ZFAND4: variants seen among roughly 807,000 people sequenced by gnomAD.
The protein encoded by ZFAND4 is AN1-type zinc finger protein 4.
In ZFAND4, 43 loss-of-function variants were observed where a neutral mutation model predicts 64.4. The observed-to-expected ratio is 0.67, with a 90% confidence interval of 0.52 to 0.86. The LOEUF is 0.86. Among genes scored for constraint, ZFAND4 ranks in the 40% least tolerant of loss-of-function variants. The probability of loss-of-function intolerance (pLI) is 0.00; values close to 1 mark genes in which losing one functional copy is unlikely to be tolerated. For missense variants in ZFAND4, 929 were observed against 859.8 expected, an observed-to-expected ratio of 1.08 and a Z score of -1.01; for synonymous variants, 296 against 305.7, an observed-to-expected ratio of 0.97 and a Z score of 0.33.
chr10:45,637,264 C>T lies in ZFAND4; in HGVS notation c.717+2552G>A, dbSNP rs2046666662. Reference sequence around the variant, plus strand: ...GCTGAGGCACGAGAATCACTTGAACCAAGGAGGTGGAGGTTGCAGTGGGCC... The same window carrying T: ...GCTGAGGCACGAGAATCACTTGAACTAAGGAGGTGGAGGTTGCAGTGGGCC... On this transcript the variant is annotated intron_variant, in intron 6 of 9. Transcript: ENST00000344646. Among the ~76,000 whole-genome samples the T allele has an allele frequency of 2.0e-5, 3 of 146,400 alleles. No individual in the cohort carries two copies. In the East Asian group the frequency reaches 6.1e-4, roughly 30 times the overall value.
intron 1 of ZFAND4, among the ~76,000 whole-genome samples, chr10:45,668,817 G>A (rs1205195855): frequency 1.3e-5 from 2 of 152,196 alleles, no homozygotes; most frequent in Admixed American, 1.3e-4. Flanking sequence ...ATAACGAAAT[G>A]AAGGCAGAAA....
Position 45,653,052 on chromosome 10 carries a change from G to A in ZFAND4, c.192C>T (p.Pro64=). The A allele has an allele frequency of 6.2e-7, 1 of 1,608,444 alleles. No homozygotes were observed. The highest frequency in any genetic ancestry group is 1.3e-5 in the African/African-American group (1 of 74,804). Residue 64 remains proline (P), a synonymous_variant, in exon 3 of 10, where the codon CCC becomes CCT. Transcript: ENST00000344646. ...KAKIRRLEGI[P]ICRQHLIWNN... The stretch of plus-strand genomic sequence containing the variant: ...TCCAAATTAAGTGTTGTCGACAGAT[G>A]GGAATACCTTAAGGGAAAGTTATTA...
chr10:45,626,108 G>A lies in ZFAND4; in HGVS notation c.1715C>T (p.Ser572Leu). 6.2e-7 allele frequency: 1 copy of A among 1,614,154 alleles called. No individual in the cohort carries two copies. Among genetic ancestry groups the A allele is most frequent in the Non-Finnish European group, 8.5e-7 (1 of 1,180,044 alleles). Reference protein sequence around the residue: ...GCVNNISFLASLAGSTSRNRL... With the variant: ...GCVNNISFLALLAGSTSRNRL... Reference sequence around the variant, plus strand: ...ATTTCTGCTTGTGCTCCCGGCCAGTGAGGCAAGAAAACTGATATTATTTAC... The same window carrying A: ...ATTTCTGCTTGTGCTCCCGGCCAGTAAGGCAAGAAAACTGATATTATTTAC... Residue 572 changes from serine (S) to leucine (L), a missense_variant, in exon 7 of 10, where the codon TCA becomes TTA. Physicochemically the swap from Ser to Leu is moderately radical, Grantham distance 145. Coordinates refer to ENST00000344646, the MANE Select transcript of ZFAND4 (RefSeq NM_174890.4).
At chr10:45,644,608 G>C (rs536986111) in intron 5 of ZFAND4, among the ~76,000 whole-genome samples, 12 of 152,300 alleles carry the variant, frequency 7.9e-5, no homozygotes, top group Admixed American at 2.6e-4. Flanking sequence ...AGTATGTCCT[G>C]AGAAAATAAA....
At chr10:45,651,450 T>C (rs879604494) in intron 4 of ZFAND4, 14 of 409,840 alleles carry the variant, frequency 3.4e-5, no homozygotes, top group Non-Finnish European at 6.6e-5. Flanking sequence ...GACCATTCAG[T>C]AGACGCTCAA....
chr10:45,653,583 A>T (rs1363069942), intron 2 of ZFAND4, among the ~76,000 whole-genome samples: 13 of 152,294 alleles, frequency 8.5e-5, no homozygotes, highest in Non-Finnish European at 1.0e-4. Context: ...CAACATTACT[A>T]ATCATTAGAC....
chr10:45,618,024 T>C (rs916245552), intron 9 of ZFAND4, 116 bp downstream of exon 9: 4 of 1,096,718 alleles, frequency 3.6e-6, no homozygotes, highest in Middle Eastern at 4.2e-4. Context: ...AAGATAGCTA[T>C]TGAACATCAT....
intron 1 of ZFAND4, among the ~76,000 whole-genome samples, chr10:45,665,087 A>T (rs1198201993): frequency 6.6e-6 from 1 of 152,230 alleles, no homozygotes; most frequent in African/African-American, 2.4e-5. Flanking sequence ...CAACAAATAG[A>T]AGTAGTAAAC....
chr10:45,645,221 C>T (rs1288304346), intron 5 of ZFAND4, among the ~76,000 whole-genome samples: 1 of 152,082 alleles, frequency 6.6e-6, no homozygotes, highest in Admixed American at 6.5e-5. Flanking sequence ...GATTCGCCCA[C>T]CTTCCAAAAG....
At chr10:45,652,948 G>A in intron 3 of ZFAND4, 36 bp downstream of exon 3, 3 of 1,505,182 alleles carry the variant, frequency 2.0e-6, no homozygotes, top group Non-Finnish European at 2.8e-6. Context: ...ATAATACTAA[G>A]TGCCTACAAA....
intron 4 of ZFAND4, chr10:45,648,842 C>G (rs1157605120): frequency 1.4e-6 from 1 of 705,284 alleles, no homozygotes. Context: ...TCACTAGAGT[C>G]TGTGTATTTG....
chr10:45,626,419 C>A lies in ZFAND4; in HGVS notation c.1404G>T (p.Lys468Asn), dbSNP rs2045829477. The change falls in exon 7 of 10, where the codon AAG becomes AAT. Residue 468 changes from lysine (K) to asparagine (N), a missense_variant. Physicochemically the swap from Lys to Asn is moderately conservative, Grantham distance 94. Coordinates refer to ENST00000344646, the MANE Select transcript of ZFAND4 (RefSeq NM_174890.4). The stretch of plus-strand genomic sequence containing the variant: ...AGCGAAGAGGTGACAAGAGTCTATT[C>A]TTGTGAGGACTTAATTCCCGGTAGT... ...VLNYRELSPHKNRLLSPLRCS... is the reference protein window; with the variant it reads ...VLNYRELSPHNNRLLSPLRCS... 1 of 1,613,828 alleles carries A rather than the reference C, an allele frequency of 6.2e-7. No homozygotes were observed. The highest frequency in any genetic ancestry group is 1.3e-5 in the African/African-American group (1 of 74,904).
chr10:45,650,065 T>C (rs1194741545), intron 4 of ZFAND4: 1 of 152,232 alleles, frequency 6.6e-6, no homozygotes, highest in East Asian at 1.9e-4. Context: ...TTAATCTTTC[T>C]ATGCTGCTTT....
chr10:45,648,758 T>C (rs1351601603), intron 4 of ZFAND4, among the ~76,000 whole-genome samples: 5 of 152,216 alleles, frequency 3.3e-5, no homozygotes, highest in Non-Finnish European at 5.9e-5. Flanking sequence ...TGTTGCTATA[T>C]TCAAAGACAG....
chr10:45,663,772 A>G lies in ZFAND4; in HGVS notation c.-47T>C. ...TCTAAAATATGTCGCAGGCAACTGT[A>G]TTCCAGTTCTAGGCAAACCAGGTTT... On this transcript the variant is annotated 5_prime_UTR_variant, in exon 2 of 10. Coordinates refer to ENST00000344646, the MANE Select transcript of ZFAND4 (RefSeq NM_174890.4). The G allele has an allele frequency of 3.3e-6, 5 of 1,507,000 alleles. No homozygotes were observed. The highest frequency in any genetic ancestry group is 4.5e-6 in the Non-Finnish European group (5 of 1,119,110). The allele number at this position is 1,507,000 out of a possible 1,614,324, so 93.4% of individuals were successfully genotyped here. A position where few individuals can be genotyped will look rare whatever the true frequency, so the allele number is the denominator to read the frequency against.
At position 45,640,211 on chromosome 10, in the gene ZFAND4, T is replaced by C. The variant is rs537261683; in HGVS notation, c.570-248A>G. ...TAGCTGAGCTTCTCTGAATTCAGTA[T>C]ATCATAAATGAAGATGTTTTGACAC... is the stretch of plus-strand genomic sequence containing the variant. On this transcript the variant is annotated intron_variant, in intron 5 of 9. Transcript: ENST00000344646. The C allele has an allele frequency of 2.5e-4, 313 of 1,242,678 alleles. 1 individual carries two copies. In the African/African-American group the frequency reaches 4.3e-3, roughly 17 times the overall value. The allele number at this position is 1,242,678 out of a possible 1,614,324, so 77.0% of individuals were successfully genotyped here.
At chr10:45,668,759 C>A (rs2048993408) in intron 1 of ZFAND4, among the ~76,000 whole-genome samples, 1 of 152,182 alleles carries the variant, frequency 6.6e-6, no homozygotes. Flanking sequence ...CAAAACTGCA[C>A]AACTACATGG....
intron 8 of ZFAND4, 118 bp downstream of exon 8, chr10:45,624,465 A>T (rs1429713417): frequency 1.2e-6 from 1 of 825,770 alleles, no homozygotes; most frequent in Admixed American, 2.6e-5. Context: ...TTAGAGACAG[A>T]ATTTACTCTG....
intron 1 of ZFAND4, among the ~76,000 whole-genome samples, chr10:45,669,141 T>C (rs538800782): frequency 2.0e-5 from 3 of 151,930 alleles, no homozygotes; most frequent in Non-Finnish European, 4.4e-5. Flanking sequence ...ACAAAATTGA[T>C]AGATTGTTAG....
Sources: gnomAD v4.1 joint callset for allele counts (sites outside exome capture counted in the v4.1 genomes callset) on GRCh38, gnomAD v4.1.1 for gene constraint, MANE v1.5 for transcripts, NCBI Gene and HGNC (gene_info 2026-07-23, HGNC 2026-07-21) for gene names.